Variants in CDC42BPB observed in about 807,000 individuals in gnomAD.
The protein encoded by CDC42BPB is serine/threonine-protein kinase MRCK beta.
Under a neutral mutation model 214.9 loss-of-function variants are expected in CDC42BPB, and 37 were observed. The ratio of observed to expected loss-of-function variants is 0.17; its 90% CI spans 0.13 to 0.23. The LOEUF (loss-of-function observed/expected upper bound fraction) is 0.23, where lower values mean the gene tolerates loss of function less well. CDC42BPB is among the 10% of genes least tolerant of loss of function. The probability of loss-of-function intolerance (pLI) is 1.00; values close to 1 mark genes in which losing one functional copy is unlikely to be tolerated. For missense variants in CDC42BPB, 1,694 were observed against 2,227.0 expected (o/e 0.76, Z 4.82); for synonymous variants, 931 against 884.0 (o/e 1.05, Z -0.94).
chr14:102,974,280 T>A (rs1258988912), intron 11 of CDC42BPB, 131 bp from the exon 12 acceptor site: 1 of 1,213,432 alleles, frequency 8.2e-7, no homozygotes, highest in Non-Finnish European at 1.1e-6. Context: ...GTTTTTTTAC[T>A]TACACACACA....
rs758800577 is a variant in CDC42BPB at position 102,983,521 on chromosome 14, G to C, written c.891+35C>G. The C allele has an allele frequency of 4.7e-5, 75 of 1,583,770 alleles. No homozygotes were observed. The East Asian group carries it at 1.6e-3, about 34-fold the overall frequency. Reference sequence around the variant, plus strand: ...CTCTCTGTACTTTAGGCCTGAGCCAGGTACCAAAAAAAAAAAAAAAATGCA... The same window carrying C: ...CTCTCTGTACTTTAGGCCTGAGCCACGTACCAAAAAAAAAAAAAAAATGCA... On this transcript the variant is annotated intron_variant, in intron 7 of 36. Transcript: ENST00000361246.
At chr14:103,038,136 A>G (rs1278075566) in intron 1 of CDC42BPB, among the ~76,000 whole-genome samples, 3 of 151,802 alleles carry the variant, frequency 2.0e-5, no homozygotes, top group Admixed American at 2.0e-4. Flanking sequence ...AGAGATCAAG[A>G]CCATCCTGGT....
intron 1 of CDC42BPB, among the ~76,000 whole-genome samples, chr14:103,036,038 C>G (rs1887643843): frequency 6.6e-6 from 1 of 151,832 alleles, no homozygotes; most frequent in Non-Finnish European, 1.5e-5. Context: ...GTAGTACCAG[C>G]TACTGGGGAT....
intron 5 of CDC42BPB, among the ~76,000 whole-genome samples, chr14:102,997,867 G>C (rs150516876): frequency 6.6e-6 from 1 of 152,212 alleles, no homozygotes. Context: ...ACGTGGAGCC[G>C]GGCGCGGTGG....
intron 1 of CDC42BPB, among the ~76,000 whole-genome samples, chr14:103,039,068 T>C (rs113619989): frequency 0.038 from 5,798 of 151,936 alleles, 152 homozygotes; most frequent in Non-Finnish European, 0.059. Context: ...ACTACCAAAA[T>C]TGACTCTTGA....
intron 2 of CDC42BPB, among the ~76,000 whole-genome samples, chr14:103,011,204 C>T (rs867065695): frequency 6.6e-6 from 1 of 152,216 alleles, no homozygotes; most frequent in Non-Finnish European, 1.5e-5. Context: ...CACCGTGCCA[C>T]GGGCCTCCTG....
At position 103,003,179 on chromosome 14, in the gene CDC42BPB, T is replaced by C. The variant is rs547862872; in HGVS notation, c.447+749A>G. On this transcript the variant is annotated intron_variant, in intron 4 of 36. Coordinates refer to ENST00000361246, the MANE Select transcript of CDC42BPB (RefSeq NM_006035.4). ...TGGGCTGAGACCTCCTTCTCTGAGG[T>C]CTGCCCGCGTCACGTCCACCCAGAG... Among the ~76,000 whole-genome samples the C allele has an allele frequency of 1.1e-3, 167 of 152,098 alleles. 2 individuals carry two copies. Among genetic ancestry groups the C allele is most frequent in the Non-Finnish European group, 2.0e-3 (137 of 68,010 alleles).
intron 1 of CDC42BPB, among the ~76,000 whole-genome samples, chr14:103,038,152 T>C (rs570118992): frequency 1.3e-5 from 2 of 150,736 alleles, no homozygotes; most frequent in South Asian, 2.1e-4. Flanking sequence ...CTGGTCAACA[T>C]GGCGAAACCC....
chr14:103,003,718 G>A lies in CDC42BPB; in HGVS notation c.447+210C>T, dbSNP rs4561393. Among the ~76,000 whole-genome samples, 6 of 152,210 alleles carry A rather than the reference G, an allele frequency of 3.9e-5. No individual in the cohort carries two copies. In the East Asian group the frequency reaches 1.2e-3, roughly 29 times the overall value. ...AACGAATCAGCTTCTCTAGTGATTA[G>A]AAAAAAACAAAGTCCTTACTTCCAC... On this transcript the variant is annotated intron_variant, in intron 4 of 36. Transcript: ENST00000361246.
At chr14:103,033,297 C>A (rs1469480603) in intron 1 of CDC42BPB, among the ~76,000 whole-genome samples, 1 of 152,174 alleles carries the variant, frequency 6.6e-6, no homozygotes, top group Non-Finnish European at 1.5e-5. Flanking sequence ...TCTCTGCTCA[C>A]TGCAAGCCCC....
chr14:102,933,486 G>A lies in CDC42BPB; in HGVS notation c.*226C>T. 1 of 409,930 alleles carries A rather than the reference G, an allele frequency of 2.4e-6. No homozygotes were observed. 25.4% of individuals were successfully genotyped at this position (409,930 alleles called of 1,614,324 possible). A position where few individuals can be genotyped will look rare whatever the true frequency, so the allele number is the denominator to read the frequency against. ...GTATGGGGGTCCTTCATGTGCAGAT[G>A]GAACAGCATCGCCTCACAGCTGTGC... On this transcript the variant is annotated 3_prime_UTR_variant, in exon 37 of 37. Coordinates refer to ENST00000361246, the MANE Select transcript of CDC42BPB (RefSeq NM_006035.4).
Position 102,963,394 on chromosome 14 carries a change from G to C in CDC42BPB, c.2727-239C>G, listed in dbSNP as rs1893045428. The C allele has an allele frequency of 1.2e-5, 6 of 508,274 alleles. 1 individual carries two copies. Among genetic ancestry groups the C allele is most frequent in the Non-Finnish European group, 1.0e-5 (4 of 393,872 alleles). The allele number at this position is 508,274 out of a possible 1,614,324, so 31.5% of individuals were successfully genotyped here. ...GCTTAGGAAGGCGTGTCTCATGAAG[G>C]CCTAATGGAGCTCTTGACCTTCCTA... On this transcript the variant is annotated intron_variant, in intron 19 of 36. Transcript: ENST00000361246.
intron 25 of CDC42BPB, 58 bp from the exon 26 acceptor site, chr14:102,949,962 C>T (rs1048544817): frequency 1.9e-6 from 3 of 1,597,914 alleles, no homozygotes; most frequent in South Asian, 1.1e-5. Flanking sequence ...CCGCCAGGCC[C>T]CATTACACTC....
At chr14:102,940,998 A>G (rs927020492) in intron 30 of CDC42BPB, 5 of 543,040 alleles carry the variant, frequency 9.2e-6, no homozygotes, top group Non-Finnish European at 1.2e-5. Context: ...CCAAGGTGCC[A>G]CGGATGTGAA....
chr14:103,015,998 G>A (rs376937861), intron 1 of CDC42BPB, among the ~76,000 whole-genome samples: 1 of 152,088 alleles, frequency 6.6e-6, no homozygotes, highest in South Asian at 2.1e-4. Flanking sequence ...TTACAGGCGT[G>A]AGCCACTGCG....
chr14:103,031,537 T>C (rs1203448347), intron 1 of CDC42BPB, among the ~76,000 whole-genome samples: 1 of 152,230 alleles, frequency 6.6e-6, no homozygotes, highest in African/African-American at 2.4e-5. Context: ...AACGCTGCAG[T>C]AAAAATACAA....
At chr14:103,041,426 T>C (rs1887985610) in intron 1 of CDC42BPB, 1 of 754,442 alleles carries the variant, frequency 1.3e-6, no homozygotes, top group Non-Finnish European at 2.1e-6. Context: ...CAACAAAAAA[T>C]ATTTAAATTT....
intron 18 of CDC42BPB, 36 bp downstream of exon 18, chr14:102,966,246 T>C (rs1266874403): frequency 7.0e-7 from 1 of 1,425,336 alleles, no homozygotes. Context: ...AGCGAATTAT[T>C]CAGTAATAGA....
Position 102,973,998 on chromosome 14 carries a change from C to A in CDC42BPB, c.1641+18G>T, listed in dbSNP as rs773613341. The A allele has an allele frequency of 6.3e-7, 1 of 1,591,354 alleles. No individual in the cohort carries two copies. The highest frequency in any genetic ancestry group is 8.5e-7 in the Non-Finnish European group (1 of 1,170,424). ...CAAAGTCCCGTAAGCCTTTCTCACCCCAAACTGAGCCACCTACCTTGTGCA... is the reference window on the plus strand; with the variant it reads ...CAAAGTCCCGTAAGCCTTTCTCACCACAAACTGAGCCACCTACCTTGTGCA... On this transcript the variant is annotated intron_variant, in intron 12 of 36. Transcript: ENST00000361246.
Sources: gnomAD v4.1 joint callset for allele counts (sites outside exome capture counted in the v4.1 genomes callset) on GRCh38, gnomAD v4.1.1 for gene constraint, MANE v1.5 for transcripts, NCBI Gene and HGNC (gene_info 2026-07-23, HGNC 2026-07-21) for gene names.